Variants in SFXN5 observed in about 807,000 individuals in gnomAD.
The protein encoded by SFXN5 is sideroflexin 5, also known as sideroflexin-5.
SFXN5 carries 43 observed loss-of-function variants against 50.2 expected under a neutral mutation model. The ratio of observed to expected loss-of-function variants is 0.86; its 90% CI spans 0.67 to 1.11. The LOEUF is 1.11. SFXN5 is among the 50% of genes least tolerant of loss of function. SFXN5 has a pLI of 0.00. For synonymous variants in SFXN5, 203 were observed against 185.8 expected (o/e 1.09, Z -0.75); for missense variants, 463 against 454.1 (o/e 1.02, Z -0.18).
At chr2:72,967,624 A>G (rs892859300) in intron 12 of SFXN5, among the ~76,000 whole-genome samples, 1 of 152,126 alleles carries the variant, frequency 6.6e-6, no homozygotes, top group East Asian at 1.9e-4. Flanking sequence ...GAGTAACCCC[A>G]TCCCTGTCCT....
At chr2:73,030,471 G>C (rs532722319) in intron 3 of SFXN5, among the ~76,000 whole-genome samples, 1 of 152,110 alleles carries the variant, frequency 6.6e-6, no homozygotes, top group South Asian at 2.1e-4. Flanking sequence ...CCAAAGGGCT[G>C]GGATTACAGG....
At chr2:72,967,986 G>A (rs1022507942) in intron 12 of SFXN5, among the ~76,000 whole-genome samples, 2 of 152,146 alleles carry the variant, frequency 1.3e-5, no homozygotes, top group African/African-American at 4.8e-5. Flanking sequence ...CAGAGAAACT[G>A]AGGCTCAGTA....
intron 6 of SFXN5, among the ~76,000 whole-genome samples, chr2:73,002,784 C>T (rs953369644): frequency 6.6e-6 from 1 of 152,150 alleles, no homozygotes; most frequent in Non-Finnish European, 1.5e-5. Flanking sequence ...ATTTTTCCCC[C>T]AGAATGAGAT....
intron 12 of SFXN5, among the ~76,000 whole-genome samples, chr2:72,964,543 G>C (rs1481744845): frequency 1.3e-5 from 2 of 152,254 alleles, no homozygotes; most frequent in Non-Finnish European, 2.9e-5. Flanking sequence ...AGGTGGAGCA[G>C]GAACCTAGAT....
At chr2:72,962,947 C>A (rs1673914076) in intron 12 of SFXN5, among the ~76,000 whole-genome samples, 1 of 152,210 alleles carries the variant, frequency 6.6e-6, no homozygotes. Context: ...AATCCCCATC[C>A]AGCACCCCCA....
chr2:73,061,037 C>T (rs1208298083), intron 1 of SFXN5, among the ~76,000 whole-genome samples: 1 of 146,038 alleles, frequency 6.8e-6, no homozygotes, highest in Admixed American at 6.8e-5. Flanking sequence ...TATGCTGGAC[C>T]GGGCGTGGTG....
At chr2:73,067,856 C>T (rs1164332944) in intron 1 of SFXN5, among the ~76,000 whole-genome samples, 1 of 152,194 alleles carries the variant, frequency 6.6e-6, no homozygotes, top group Admixed American at 6.5e-5. Context: ...ACTCTGGAGA[C>T]AGACTGCCTG....
intron 1 of SFXN5, among the ~76,000 whole-genome samples, chr2:73,069,066 T>A (rs916120731): frequency 1.3e-5 from 2 of 151,992 alleles, no homozygotes; most frequent in South Asian, 2.1e-4. Context: ...GAAGAAGTAG[T>A]CAGTGGGGTG....
rs571193839 is a variant in SFXN5, at chr2:73,026,342, G to T, written c.250-3128C>A. ...GGCGGGGTTTCACCATGTTGGCCAG[G>T]CTGGTCTTGAACTCCTGGCCTCAAG... is the stretch of plus-strand genomic sequence containing the variant. On this transcript the variant is annotated intron_variant, in intron 3 of 13. Transcript: ENST00000272433. Among the ~76,000 whole-genome samples, 28 of 151,420 alleles carry T rather than the reference G, an allele frequency of 1.8e-4. 1 individual carries two copies. The highest frequency in any genetic ancestry group is 9.2e-4 in the Admixed American group (14 of 15,218).
At chr2:73,038,472 G>A (rs912638052) in intron 3 of SFXN5, among the ~76,000 whole-genome samples, 14 of 152,042 alleles carry the variant, frequency 9.2e-5, no homozygotes, top group Non-Finnish European at 1.9e-4. Flanking sequence ...ATTTAAGCAC[G>A]CTAAATTTAT....
chr2:72,993,199 G>A (rs972857364), intron 9 of SFXN5, among the ~76,000 whole-genome samples: 4 of 152,148 alleles, frequency 2.6e-5, no homozygotes, highest in African/African-American at 9.7e-5. Flanking sequence ...GGGTTTGTGA[G>A]GGCACCGGGG....
rs1673731792 is a variant in SFXN5 at position 72,961,435 on chromosome 2, C to A, written c.828-187G>T. Among the ~76,000 whole-genome samples, 1 of 152,196 alleles carries A rather than the reference C, an allele frequency of 6.6e-6. No homozygotes were observed. The highest frequency in any genetic ancestry group is 2.4e-5 in the African/African-American group (1 of 41,458). On this transcript the variant is annotated intron_variant, in intron 12 of 13. Transcript: ENST00000272433. The surrounding 1 kb of genome is among the most constrained non-coding windows in gnomAD (Gnocchi z 4.4). ...ACCTTTTCCCGATAGGTACCCCTATCCCAGCGGGTATAGACCCCTATCCCA... is the reference window on the plus strand; with the variant it reads ...ACCTTTTCCCGATAGGTACCCCTATACCAGCGGGTATAGACCCCTATCCCA...
intron 10 of SFXN5, among the ~76,000 whole-genome samples, chr2:72,978,743 T>C (rs1002659940): frequency 6.6e-6 from 1 of 152,164 alleles, no homozygotes; most frequent in African/African-American, 2.4e-5. Context: ...GTCCATTCCA[T>C]GTCTGGGTAC....
At chr2:73,056,628 T>C (rs1574258088) in intron 2 of SFXN5, among the ~76,000 whole-genome samples, 1 of 149,832 alleles carries the variant, frequency 6.7e-6, no homozygotes, top group Non-Finnish European at 1.5e-5. Flanking sequence ...GAGGTTGCGG[T>C]GAGCTGGGAT....
At chr2:73,012,440 A>G (rs1164464209) in intron 6 of SFXN5, among the ~76,000 whole-genome samples, 2 of 152,062 alleles carry the variant, frequency 1.3e-5, no homozygotes, top group African/African-American at 4.8e-5. Context: ...TTTAAATCCT[A>G]GGAGATATTT....
intron 1 of SFXN5, among the ~76,000 whole-genome samples, chr2:73,065,825 G>C (rs1212079692): frequency 6.6e-6 from 1 of 152,232 alleles, no homozygotes; most frequent in Non-Finnish European, 1.5e-5. Flanking sequence ...AAAGTGCTGG[G>C]ATTACAAGCA....
intron 3 of SFXN5, among the ~76,000 whole-genome samples, chr2:73,028,630 G>A (rs1165049630): frequency 1.3e-5 from 2 of 152,154 alleles, no homozygotes; most frequent in Non-Finnish European, 2.9e-5. Context: ...TCTGTTTTTT[G>A]AACAAGGGTC....
intron 11 of SFXN5, among the ~76,000 whole-genome samples, chr2:72,969,684 C>T (rs972639912): frequency 8.6e-5 from 13 of 150,844 alleles, no homozygotes; most frequent in Admixed American, 6.6e-5. Context: ...TGTGAGACAC[C>T]GTGCCCGGCC....
chr2:73,017,302 T>A (rs972666249), intron 6 of SFXN5, among the ~76,000 whole-genome samples: 2 of 152,142 alleles, frequency 1.3e-5, no homozygotes, highest in Admixed American at 6.5e-5. Flanking sequence ...TATGAGTGTA[T>A]CTTTTTAATA....
Sources: allele counts gnomAD v4.1 joint callset (sites outside exome capture counted in the v4.1 genomes callset), GRCh38; gene constraint gnomAD v4.1.1; non-coding constraint Gnocchi (gnomAD v3.1); transcripts MANE v1.5; gene names NCBI Gene and HGNC (gene_info 2026-07-23, HGNC 2026-07-21).